The following FMN2 variants were observed in gnomAD, a reference collection of about 807,000 sequenced individuals.
FMN2 encodes the protein formin 2.
Under a neutral mutation model 142.3 loss-of-function variants are expected in FMN2, and 51 were observed. That is an observed-to-expected ratio of 0.36 (90% confidence interval 0.29 to 0.45). The LOEUF (loss-of-function observed/expected upper bound fraction) is 0.45. Among genes scored for constraint, FMN2 ranks in the 20% least tolerant of loss-of-function variants. The pLI is 1.00. For synonymous variants in FMN2, 882 were observed against 869.8 expected, an observed-to-expected ratio of 1.01 and a Z score of -0.25; for missense variants, 1,936 against 2,122.8, an observed-to-expected ratio of 0.91 and a Z score of 1.73.
At chr1:240,144,295 A>G (rs1663337762) in intron 2 of FMN2, 7 of 1,606,338 alleles carry the variant, frequency 4.4e-6, no homozygotes, top group Non-Finnish European at 6.0e-6. Flanking sequence ...CCTGAGAGCC[A>G]CTGCCCCCAA....
intron 6 of FMN2, among the ~76,000 whole-genome samples, chr1:240,225,405 C>T (rs1351984851): frequency 6.6e-6 from 1 of 152,106 alleles, no homozygotes; most frequent in Admixed American, 6.6e-5. Flanking sequence ...TGGCTCATGC[C>T]CATTCAGGGG....
At chr1:240,131,811 A>T (rs1392407333) in intron 2 of FMN2, among the ~76,000 whole-genome samples, 1 of 152,240 alleles carries the variant, frequency 6.6e-6, no homozygotes, top group Non-Finnish European at 1.5e-5. Flanking sequence ...AATTGGGAGA[A>T]TGATGCGTAG....
chr1:240,144,195 CCAT>C, intron 2 of FMN2: 1 of 1,498,596 alleles, frequency 6.7e-7, no homozygotes, highest in Non-Finnish European at 9.3e-7. Context: ...CCATTTGTTG[CCAT>C]CATCGTTAGC....
chr1:240,189,172 A>AT (rs1422994566), intron 4 of FMN2, among the ~76,000 whole-genome samples: 2 of 84,724 alleles, frequency 2.4e-5, no homozygotes, highest in African/African-American at 7.1e-5. Flanking sequence ...TGGATTTCTT[A>AT]TTAAAAAAAA....
intron 15 of FMN2, among the ~76,000 whole-genome samples, chr1:240,412,589 G>T (rs1489157898): frequency 6.6e-6 from 1 of 152,120 alleles, no homozygotes; most frequent in Non-Finnish European, 1.5e-5. Context: ...TAGCTAACTA[G>T]CAGCAGTGAG....
intron 7 of FMN2, among the ~76,000 whole-genome samples, chr1:240,293,566 A>G (rs1669863730): frequency 6.6e-6 from 1 of 152,182 alleles, no homozygotes; most frequent in Non-Finnish European, 1.5e-5. Context: ...TTTTTGAAAT[A>G]TAGTCAAAGG....
intron 15 of FMN2, among the ~76,000 whole-genome samples, chr1:240,427,395 C>T (rs1259523551): frequency 6.6e-6 from 1 of 151,682 alleles, no homozygotes; most frequent in Non-Finnish European, 1.5e-5. Flanking sequence ...TTAGTAGAGA[C>T]GGGGTTTCAC....
At chr1:240,252,953 C>CTTTTTTTTTTTTTTTTTATTTTTTTTTT (rs59902639) in intron 6 of FMN2, among the ~76,000 whole-genome samples, 1 of 65,346 alleles carries the variant, frequency 1.5e-5, no homozygotes, top group Non-Finnish European at 2.6e-5. Context: ...GTCTTGTTCA[C>CTTTTTTTTTTTTTTTTTATTTTTTTTTT]TTTTTTTTTT....
intron 16 of FMN2, among the ~76,000 whole-genome samples, chr1:240,449,254 C>T (rs1675925807): frequency 6.6e-6 from 1 of 152,178 alleles, no homozygotes. Flanking sequence ...TTCACCCTCT[C>T]TCCGGAATCC....
chr1:240,345,632 A>G (rs1424359839), intron 13 of FMN2, among the ~76,000 whole-genome samples: 1 of 151,930 alleles, frequency 6.6e-6, no homozygotes, highest in African/African-American at 2.4e-5. Flanking sequence ...TACAGCATGC[A>G]CCACCATGAC....
intron 1 of FMN2, among the ~76,000 whole-genome samples, chr1:240,113,389 C>A (rs1436028576): frequency 6.6e-6 from 1 of 151,808 alleles, no homozygotes; most frequent in Non-Finnish European, 1.5e-5. Context: ...CATGGTGAAA[C>A]CCCATCTCTA....
At chr1:240,104,478 G>T (rs764853334) in intron 1 of FMN2, among the ~76,000 whole-genome samples, 6 of 152,092 alleles carry the variant, frequency 3.9e-5, no homozygotes, top group Non-Finnish European at 7.4e-5. Context: ...GGCAAAACTC[G>T]TTTTGTCCTT....
intron 15 of FMN2, among the ~76,000 whole-genome samples, chr1:240,397,785 C>CAAAAA (rs35826717): frequency 0.056 from 2,633 of 46,684 alleles, 251 homozygotes; most frequent in East Asian, 0.093. Context: ...GACTCCTTCT[C>CAAAAA]AAAAAAAAAA....
At chr1:240,410,416 T>G (rs186527812) in intron 15 of FMN2, among the ~76,000 whole-genome samples, 103 of 152,294 alleles carry the variant, frequency 6.8e-4, no homozygotes, top group Admixed American at 1.7e-3. Context: ...TGAAGCAAAC[T>G]TTTAAAATCC....
intron 6 of FMN2, among the ~76,000 whole-genome samples, chr1:240,252,577 T>A (rs1668311261): frequency 6.6e-6 from 1 of 150,590 alleles, no homozygotes; most frequent in South Asian, 2.1e-4. Context: ...TTTGAATATA[T>A]CATTCAGTTC....
At chr1:240,353,010 C>G (rs1422105176) in intron 13 of FMN2, among the ~76,000 whole-genome samples, 2 of 152,202 alleles carry the variant, frequency 1.3e-5, no homozygotes, top group Admixed American at 6.5e-5. Flanking sequence ...TCTGTAAACA[C>G]TAGCCATCCC....
chr1:240,309,095 C>A lies in FMN2; in HGVS notation c.4215+14212C>A, dbSNP rs192226861. ...GACATAAACCACAGACTAATATAAGCAGAAGAGTTTATTATAATGAATGAT... is the reference window on the plus strand; with the variant it reads ...GACATAAACCACAGACTAATATAAGAAGAAGAGTTTATTATAATGAATGAT... On this transcript the variant is annotated intron_variant, in intron 8 of 17. Coordinates refer to ENST00000319653, the MANE Select transcript of FMN2 (RefSeq NM_020066.5). 8.5e-5 allele frequency among the ~76,000 whole-genome samples: 13 copies of A among 152,182 alleles called. No individual in the cohort carries two copies. In the East Asian group the frequency reaches 2.5e-3, roughly 29 times the overall value.
In FMN2 at chr1:240,339,105, C is replaced by T. The variant is rs916255132; in HGVS notation, c.4765+4876C>T. On this transcript the variant is annotated intron_variant, in intron 13 of 17. Coordinates refer to ENST00000319653, the MANE Select transcript of FMN2 (RefSeq NM_020066.5). The stretch of plus-strand genomic sequence containing the variant: ...GGAGCGGCTATAAATACAGATGAAG[C>T]TTTGCTTGCTTGCTGGCCACTCACC... Among the ~76,000 whole-genome samples, 17 of 152,232 alleles carry T rather than the reference C, an allele frequency of 1.1e-4. No individual in the cohort carries two copies. The East Asian group carries it at 2.5e-3, about 23-fold the overall frequency.
chr1:240,448,053 C>T (rs1026663464), intron 16 of FMN2, among the ~76,000 whole-genome samples: 2 of 152,096 alleles, frequency 1.3e-5, no homozygotes, highest in South Asian at 2.1e-4. Flanking sequence ...CTTCTGCCTG[C>T]CTGGTACAAC....
Sources: allele counts gnomAD v4.1 joint callset (sites outside exome capture counted in the v4.1 genomes callset), GRCh38; gene constraint gnomAD v4.1.1; transcripts MANE v1.5; gene names NCBI Gene and HGNC (gene_info 2026-07-23, HGNC 2026-07-21).